The following SLC44A2 variants were observed in gnomAD, a reference collection of about 807,000 sequenced individuals.
SLC44A2 encodes solute carrier family 44 member 2 (CTL2 blood group).
Under a neutral mutation model 90.8 loss-of-function variants are expected in SLC44A2, and 57 were observed. That is an observed-to-expected ratio of 0.63 (90% CI 0.51 to 0.78). The LOEUF (loss-of-function observed/expected upper bound fraction) is 0.78, where lower values mean the gene tolerates loss of function less well. Among genes scored for constraint, SLC44A2 ranks in the 30% least tolerant of loss-of-function variants. The pLI is 0.00. For synonymous variants in SLC44A2, 355 were observed against 360.7 expected (o/e 0.98, Z 0.18); for missense variants, 794 against 919.7 (o/e 0.86, Z 1.77).
chr19:10,617,886 C>T (rs1000612786), intron 1 of SLC44A2, among the ~76,000 whole-genome samples: 4 of 152,218 alleles, frequency 2.6e-5, no homozygotes, highest in South Asian at 2.1e-4. Flanking sequence ...ACTCCCTTGT[C>T]TCTCTGCCTT....
intron 1 of SLC44A2, among the ~76,000 whole-genome samples, chr19:10,617,793 G>A (rs561176284): frequency 2.9e-4 from 44 of 152,296 alleles, no homozygotes; most frequent in Middle Eastern, 6.8e-3. Context: ...CTGAAAGGTA[G>A]TGAGTTCGCT....
chr19:10,641,089 G>A (rs1311738211), intron 20 of SLC44A2: 41 of 337,016 alleles, frequency 1.2e-4, no homozygotes, highest in Non-Finnish European at 1.4e-4. Context: ...TCCGTCTCAG[G>A]AGGGAAAAAA....
intron 10 of SLC44A2, among the ~76,000 whole-genome samples, chr19:10,633,872 G>A (rs1444540863): frequency 6.6e-6 from 1 of 151,926 alleles, no homozygotes; most frequent in African/African-American, 2.4e-5. Flanking sequence ...GTGCGGTGGC[G>A]CACGCCTGTA....
At chr19:10,625,861 C>T (rs2066927829) in intron 1 of SLC44A2, among the ~76,000 whole-genome samples, 191 bp downstream of exon 1, 1 of 152,084 alleles carries the variant, frequency 6.6e-6, no homozygotes, top group African/African-American at 2.4e-5. Flanking sequence ...GACGACCCTC[C>T]TTACTCTCCC....
chr19:10,639,192 G>A (rs2067090675), intron 20 of SLC44A2, among the ~76,000 whole-genome samples: 1 of 152,150 alleles, frequency 6.6e-6, no homozygotes, highest in African/African-American at 2.4e-5. Flanking sequence ...CCTCGGGCTC[G>A]CAGAGTACTG....
chr19:10,619,206 C>T (rs1206954884), intron 1 of SLC44A2, among the ~76,000 whole-genome samples: 3 of 150,858 alleles, frequency 2.0e-5, no homozygotes, highest in Non-Finnish European at 4.4e-5. Flanking sequence ...GAGGCAGGTG[C>T]GTCGCTGGAA....
chr19:10,636,416 C>T lies in SLC44A2; in HGVS notation c.1327C>T (p.Leu443=), dbSNP rs2067054818. The T allele has an allele frequency of 1.2e-6, 2 of 1,614,102 alleles. No homozygotes were observed. Among genetic ancestry groups the T allele is most frequent in the Non-Finnish European group, 1.7e-6 (2 of 1,180,028 alleles). Residue 443 remains leucine (L), a synonymous_variant, in exon 15 of 22, where the codon CTG becomes TTG. Transcript: ENST00000335757. ...TGAGTCGGGCTACCACCGGGCCCTG[C>T]TGGGCCTGCAGATCTTCAATGCCTT... The part of the protein sequence containing the change: ...GGESGYHRAL[L]GLQIFNAFMF...
At chr19:10,603,034 G>A (rs1918006176) in intron 1 of SLC44A2, among the ~76,000 whole-genome samples, 1 of 152,170 alleles carries the variant, frequency 6.6e-6, no homozygotes, top group Admixed American at 6.5e-5. Context: ...CGAATACCCA[G>A]CTGAGAGCCC....
At chr19:10,615,339 C>A (rs977761431) in intron 1 of SLC44A2, among the ~76,000 whole-genome samples, 2 of 151,688 alleles carry the variant, frequency 1.3e-5, no homozygotes, top group South Asian at 2.1e-4. Context: ...TTTGGGAGGC[C>A]AAGGTGGGAG....
chr19:10,627,661 G>T, intron 2 of SLC44A2, 61 bp from the exon 3 acceptor site: 1 of 1,578,126 alleles, frequency 6.3e-7, no homozygotes, highest in South Asian at 1.1e-5. Flanking sequence ...GCAGAGGGCA[G>T]ATGGGCCCAT....
intron 1 of SLC44A2, among the ~76,000 whole-genome samples, chr19:10,607,750 ATTTT>A (rs1322222585): frequency 2.0e-3 from 173 of 88,466 alleles, no homozygotes; most frequent in African/African-American, 6.1e-3. Context: ...TATTATTATT[ATTTT>A]TTTTTTTTTG....
chr19:10,625,241 G>T (rs2144838184), upstream of SLC44A2: 1 of 213,682 alleles, frequency 4.7e-6, no homozygotes, highest in African/African-American at 2.3e-5. Flanking sequence ...GCAGTAGGCC[G>T]TTTTCCCTCC....
At position 10,635,487 on chromosome 19, in the gene SLC44A2, C is replaced by T. The variant is rs750133710; in HGVS notation, c.1205C>T (p.Pro402Leu). The change falls in exon 14 of 22, where the codon CCA (proline) becomes CTA (leucine). Residue 402 changes from proline (P) to leucine (L), a missense_variant. Pro to Leu is a moderately conservative substitution (Grantham distance 98). This residue lies in a region of SLC44A2 where 738 missense variants were observed against 841.1 expected (regional missense o/e 0.88). Transcript: ENST00000335757. Reference sequence around the variant, plus strand: ...AAGATCTTTGATGACAGCCCCTGCCCATTTACTGCGAAAACCTGCAACCCA... The same window carrying T: ...AAGATCTTTGATGACAGCCCCTGCCTATTTACTGCGAAAACCTGCAACCCA... ...VYKIFDDSPC[P>L]FTAKTCNPET... The T allele has an allele frequency of 2.5e-6, 4 of 1,613,924 alleles. No individual in the cohort carries two copies. Among genetic ancestry groups the T allele is most frequent in the South Asian group, 1.1e-5 (1 of 91,068 alleles).
chr19:10,616,173 A>G (rs1056273468), intron 1 of SLC44A2, among the ~76,000 whole-genome samples: 1 of 151,768 alleles, frequency 6.6e-6, no homozygotes, highest in Non-Finnish European at 1.5e-5. Flanking sequence ...AATGAGGTGA[A>G]CCATGTAACA....
chr19:10,639,581 A>G lies in SLC44A2; in HGVS notation c.1929+1266A>G, dbSNP rs569659702. 1.2e-4 allele frequency among the ~76,000 whole-genome samples: 19 copies of G among 152,090 alleles called. No individual in the cohort carries two copies. In the East Asian group the frequency reaches 2.3e-3, roughly 19 times the overall value. On this transcript the variant is annotated intron_variant, in intron 20 of 21. Coordinates refer to ENST00000335757, the MANE Select transcript of SLC44A2 (RefSeq NM_020428.4). ...CAGTGGGGCTGACGTGGAAGGAGTAAAGAAGTGGAGATAAGGGCCAGGCAC... is the reference window on the plus strand; with the variant it reads ...CAGTGGGGCTGACGTGGAAGGAGTAGAGAAGTGGAGATAAGGGCCAGGCAC...
intron 14 of SLC44A2, chr19:10,636,040 G>C (rs138483941): frequency 6.0e-4 from 251 of 421,102 alleles, no homozygotes; most frequent in African/African-American, 4.9e-3. Context: ...GCCTCCCAAA[G>C]TGCTGGGATT....
chr19:10,623,969 A>T (rs1215729031), upstream of SLC44A2, among the ~76,000 whole-genome samples: 1 of 146,062 alleles, frequency 6.8e-6, no homozygotes, highest in Admixed American at 6.8e-5. Context: ...GATTACAGGC[A>T]TGAACCACCA....
intron 1 of SLC44A2, among the ~76,000 whole-genome samples, chr19:10,620,082 G>GCC (rs2066885670): frequency 1.3e-5 from 2 of 152,058 alleles, no homozygotes; most frequent in South Asian, 4.1e-4. Context: ...AGGCTGAGGT[G>GCC]GGAGGATCAC....
At chr19:10,607,654 C>CTT (rs759477759) in intron 1 of SLC44A2, among the ~76,000 whole-genome samples, 4 of 150,974 alleles carry the variant, frequency 2.6e-5, no homozygotes, top group Admixed American at 6.6e-5. Context: ...CCACACCCAG[C>CTT]TTTTTTTTGT....
Sources: gnomAD v4.1 joint callset for allele counts (sites outside exome capture counted in the v4.1 genomes callset) on GRCh38, gnomAD v4.1.1 for gene constraint, gnomAD v4.1.1 regional missense constraint, MANE v1.5 for transcripts, NCBI Gene and HGNC (gene_info 2026-07-23, HGNC 2026-07-21) for gene names.